The following MMP26 variants were observed in gnomAD, a reference collection of about 807,000 sequenced individuals.
MMP26 encodes the protein matrix metalloproteinase-26.
MMP26 carries 33 observed loss-of-function variants against 31.0 expected under a neutral mutation model. That is an observed-to-expected ratio of 1.06 (90% CI 0.81 to 1.42). The LOEUF (loss-of-function observed/expected upper bound fraction) is 1.42. MMP26 is among the 40% of genes most tolerant of loss of function. MMP26 has a pLI of 0.00. For synonymous variants in MMP26, 122 were observed against 114.9 expected, an observed-to-expected ratio of 1.06 and a Z score of -0.40; for missense variants, 347 against 316.1, an observed-to-expected ratio of 1.10 and a Z score of -0.74.
At chr11:4,744,457 A>G (rs985765708) in intron 1 of MMP26, among the ~76,000 whole-genome samples, 6 of 152,200 alleles carry the variant, frequency 3.9e-5, no homozygotes, top group Non-Finnish European at 7.3e-5. Context: ...GTCAACATAA[A>G]TCGTCTAACG....
chr11:4,881,400 C>T (rs539668692), intron 2 of MMP26, among the ~76,000 whole-genome samples: 10 of 152,194 alleles, frequency 6.6e-5, no homozygotes, highest in South Asian at 2.1e-4. Flanking sequence ...TTCATCTGCA[C>T]GTGAAGACAA....
In MMP26 at chr11:4,751,105, A is replaced by C. The variant is rs546400282; in HGVS notation, c.-216-16165A>C. On this transcript the variant is annotated intron_variant, in intron 1 of 7. Transcript: ENST00000380390. ...TTGAAAGAGAAATTTCTTGTGTTACACATGTCAAGTATTGAATCAAGGGAG... is the reference window on the plus strand; with the variant it reads ...TTGAAAGAGAAATTTCTTGTGTTACCCATGTCAAGTATTGAATCAAGGGAG... Among the ~76,000 whole-genome samples the C allele has an allele frequency of 3.9e-5, 6 of 152,218 alleles. No individual in the cohort carries two copies. The South Asian group carries it at 1.2e-3, about 32-fold the overall frequency.
chr11:4,791,881 C>T (rs1238020854), intron 2 of MMP26, among the ~76,000 whole-genome samples: 1 of 151,810 alleles, frequency 6.6e-6, no homozygotes, highest in Non-Finnish European at 1.5e-5. Flanking sequence ...ACTTCTCCCT[C>T]TGCTATCTGC....
In MMP26 at chr11:4,923,468, G is replaced by T. The variant is rs552022062; in HGVS notation, c.-144-64600G>T. The T allele has an allele frequency of 2.1e-4, 345 of 1,613,308 alleles. 3 individuals carry two copies. In the South Asian group the frequency reaches 3.6e-3, roughly 17 times the overall value. On this transcript the variant is annotated intron_variant, in intron 2 of 7. Coordinates refer to ENST00000380390, the MANE Select transcript of MMP26 (RefSeq NM_021801.5). ...CTTGGTCTTGATGCTGTAGATGATG[G>T]GGTTCATAAGGGGTGGTACCAGCAG... is the stretch of plus-strand genomic sequence containing the variant.
At chr11:4,791,949 G>T (rs1342221890) in intron 2 of MMP26, among the ~76,000 whole-genome samples, 1 of 151,760 alleles carries the variant, frequency 6.6e-6, no homozygotes, top group South Asian at 2.1e-4. Context: ...TGGGTCTTTA[G>T]AAAAGCATAA....
rs368425732 is a variant in MMP26 at position 4,811,043 on chromosome 11, T to C, written c.-145+43702T>C. Among the ~76,000 whole-genome samples the C allele has an allele frequency of 9.8e-5, 15 of 152,322 alleles. No individual in the cohort carries two copies. In the East Asian group the frequency reaches 2.9e-3, roughly 29 times the overall value. On this transcript the variant is annotated intron_variant, in intron 2 of 7. Transcript: ENST00000380390. ...GTAATGATCAAGGTCACAAAGGTCATCATTTTTCATCTATCAGCCTACAAA... is the reference window on the plus strand; with the variant it reads ...GTAATGATCAAGGTCACAAAGGTCACCATTTTTCATCTATCAGCCTACAAA...
intron 1 of MMP26, chr11:4,709,655 C>T (rs1314175451): frequency 2.2e-6 from 1 of 457,550 alleles, no homozygotes; most frequent in Admixed American, 2.3e-5. Flanking sequence ...AGATCTGGAC[C>T]TCCATCCCAT....
intron 2 of MMP26, among the ~76,000 whole-genome samples, chr11:4,798,773 A>G (rs536755284): frequency 3.3e-5 from 5 of 152,328 alleles, no homozygotes; most frequent in African/African-American, 1.2e-4. Context: ...CCAGGCACTA[A>G]GCATTACACT....
At chr11:4,990,483 C>A (rs1160376237) in intron 4 of MMP26, 115 bp from the exon 5 acceptor site, 4 of 1,018,588 alleles carry the variant, frequency 3.9e-6, no homozygotes, top group Non-Finnish European at 5.4e-6. Flanking sequence ...TATAAATAAC[C>A]AAAATGAGTC....
chr11:4,777,821 C>T (rs536616881), intron 2 of MMP26, among the ~76,000 whole-genome samples: 39 of 152,184 alleles, frequency 2.6e-4, no homozygotes, highest in African/African-American at 9.4e-4. Flanking sequence ...GACTATACCT[C>T]ACCTTAATTA....
At chr11:4,709,559 T>G (rs1045161322) in intron 1 of MMP26, 1 of 431,744 alleles carries the variant, frequency 2.3e-6, no homozygotes, top group African/African-American at 2.0e-5. Context: ...CATCTGCTTC[T>G]TCGCTCATCA....
At chr11:4,941,815 G>A (rs527417964) in intron 2 of MMP26, among the ~76,000 whole-genome samples, 9 of 151,744 alleles carry the variant, frequency 5.9e-5, no homozygotes, top group African/African-American at 1.2e-4. Flanking sequence ...GCTAGGTGCC[G>A]TGGCTCACGC....
chr11:4,929,578 G>T lies in MMP26; in HGVS notation c.-144-58490G>T, dbSNP rs745996186. Among the ~76,000 whole-genome samples, 136 of 152,068 alleles carry T rather than the reference G, an allele frequency of 8.9e-4. 1 individual carries two copies. The highest frequency in any genetic ancestry group is 5.9e-4 in the Admixed American group (9 of 15,242). The stretch of plus-strand genomic sequence containing the variant: ...TATAAATTCATAATTTTTCAATTAG[G>T]TTGAATAACTGTTCATTCAAATTAA... On this transcript the variant is annotated intron_variant, in intron 2 of 7. Coordinates refer to ENST00000380390, the MANE Select transcript of MMP26 (RefSeq NM_021801.5).
chr11:4,757,108 G>C (rs1848514040), intron 1 of MMP26, among the ~76,000 whole-genome samples: 1 of 151,978 alleles, frequency 6.6e-6, no homozygotes, highest in African/African-American at 2.4e-5. Flanking sequence ...ATGCAATTAA[G>C]ACACATAGCA....
At chr11:4,855,418 G>C (rs1850036474) in intron 2 of MMP26, among the ~76,000 whole-genome samples, 1 of 152,144 alleles carries the variant, frequency 6.6e-6, no homozygotes, top group Non-Finnish European at 1.5e-5. Context: ...AGAACTACGT[G>C]ATGCATGCAC....
intron 2 of MMP26, among the ~76,000 whole-genome samples, chr11:4,789,906 A>G (rs1463897800): frequency 6.6e-6 from 1 of 152,178 alleles, no homozygotes; most frequent in Non-Finnish European, 1.5e-5. Context: ...TGGAATATAT[A>G]TTAAGTAGCA....
Position 4,760,209 on chromosome 11 carries a change from C to A in MMP26, c.-216-7061C>A, listed in dbSNP as rs72868714. 1.4e-3 allele frequency among the ~76,000 whole-genome samples: 211 copies of A among 152,262 alleles called. 5 individuals are homozygous for A. The highest frequency in any genetic ancestry group is 1.3e-3 in the Non-Finnish European group (86 of 68,014). On this transcript the variant is annotated intron_variant, in intron 1 of 7. Transcript: ENST00000380390. ...TATGATTTGTCAAAGCAGTGACTAC[C>A]AATACAATCTCCATAGAATGACAAA...
At chr11:4,820,260 A>G (rs1320448685) in intron 2 of MMP26, among the ~76,000 whole-genome samples, 3 of 152,220 alleles carry the variant, frequency 2.0e-5, no homozygotes, top group African/African-American at 7.2e-5. Context: ...TAATGTAAAT[A>G]TCAGTTTCTT....
intron 1 of MMP26, among the ~76,000 whole-genome samples, chr11:4,753,421 C>T (rs1848470570): frequency 6.6e-6 from 1 of 152,116 alleles, no homozygotes. Context: ...TTGATGTTTA[C>T]CACTTACTCT....
Sources: gnomAD v4.1 joint callset for allele counts (sites outside exome capture counted in the v4.1 genomes callset) on GRCh38, gnomAD v4.1.1 for gene constraint, MANE v1.5 for transcripts, NCBI Gene and HGNC (gene_info 2026-07-23, HGNC 2026-07-21) for gene names.